The following NTRK3 variants were observed in gnomAD, a reference collection of about 807,000 sequenced individuals.
The protein encoded by NTRK3 is neurotrophic receptor tyrosine kinase 3.
A neutral mutation model predicts 91.7 loss-of-function variants in NTRK3; 24 were observed. The observed-to-expected ratio is 0.26, with a 90% confidence interval of 0.19 to 0.37. The LOEUF is 0.37. Among genes scored for constraint, NTRK3 ranks in the 10% least tolerant of loss-of-function variants. NTRK3 has a pLI of 1.00. For synonymous variants in NTRK3, 483 were observed against 404.0 expected (o/e 1.20, Z -2.34); for missense variants, 880 against 1,068.9 (o/e 0.82, Z 2.46).
At chr15:88,109,586 C>G (rs1225238597) in intron 13 of NTRK3, among the ~76,000 whole-genome samples, 2 of 152,194 alleles carry the variant, frequency 1.3e-5, no homozygotes, top group East Asian at 1.9e-4. Flanking sequence ...CGCATCCCTC[C>G]TATTCCTTTA....
chr15:88,112,375 G>T (rs1239034998), intron 13 of NTRK3, among the ~76,000 whole-genome samples: 1 of 152,312 alleles, frequency 6.6e-6, no homozygotes, highest in South Asian at 2.1e-4. Flanking sequence ...CACCCATGTT[G>T]CTACCTGGCA....
chr15:88,136,087 A>T (rs772946537), intron 8 of NTRK3, 47 bp from the exon 9 acceptor site: 1 of 1,609,896 alleles, frequency 6.2e-7, no homozygotes, highest in South Asian at 1.1e-5. Flanking sequence ...TTCTACAAGG[A>T]TGGCTCTGCT....
intron 16 of NTRK3, 112 bp downstream of exon 16, chr15:87,932,900 C>T: frequency 9.2e-7 from 1 of 1,082,132 alleles, no homozygotes; most frequent in South Asian, 1.3e-5. Context: ...TCTAATTTCT[C>T]ATCCTGAGAG....
rs547026713 is a variant in NTRK3, at chr15:88,176,564, G to A, written c.395+6854C>T. Among the ~76,000 whole-genome samples the A allele has an allele frequency of 5.3e-5, 8 of 152,286 alleles. No homozygotes were observed. The East Asian group carries it at 7.7e-4, about 15-fold the overall frequency. On this transcript the variant is annotated intron_variant, in intron 5 of 18. Transcript: ENST00000394480. ...TGATGGGAGGAATGTCACACAGAGC[G>A]TACCAAGGCCCACATTCTAGTCCTG...
At chr15:88,018,320 C>G (rs575908525) in intron 14 of NTRK3, among the ~76,000 whole-genome samples, 5 of 152,288 alleles carry the variant, frequency 3.3e-5, no homozygotes, top group African/African-American at 1.2e-4. Context: ...ATGGGTCACC[C>G]AAACTGGTAT....
Position 88,255,914 on chromosome 15 carries a change from G to A in NTRK3, c.240C>T (p.Ile80=). ...GCGGCCGCCTGACTTACATGGAAGT[G>A]ATATTCCTTGAGATGTCCGTGATGT... is the stretch of plus-strand genomic sequence containing the variant. Residue 80 remains isoleucine, a synonymous_variant, in exon 3 of 19, where the codon ATC becomes ATT. Coordinates refer to ENST00000394480, the Ensembl canonical transcript of NTRK3. The surrounding 1 kb of genome is among the most constrained non-coding windows in gnomAD (Gnocchi z 4.3). 6.2e-7 allele frequency: 1 copy of A among 1,611,862 alleles called. No individual in the cohort carries two copies.
At chr15:87,951,095 T>C (rs1020271110) in intron 14 of NTRK3, among the ~76,000 whole-genome samples, 1 of 152,140 alleles carries the variant, frequency 6.6e-6, no homozygotes, top group Non-Finnish European at 1.5e-5. Context: ...TGAGCAACCA[T>C]GTGAGCTCGT....
chr15:88,248,032 C>A (rs1001631828), intron 3 of NTRK3, among the ~76,000 whole-genome samples: 1 of 152,202 alleles, frequency 6.6e-6, no homozygotes, highest in Non-Finnish European at 1.5e-5. Context: ...AGCCACTCAG[C>A]CCTCTGCTCT....
intron 13 of NTRK3, among the ~76,000 whole-genome samples, chr15:88,063,430 C>T (rs1199332093): frequency 6.6e-6 from 1 of 152,188 alleles, no homozygotes; most frequent in Non-Finnish European, 1.5e-5. Flanking sequence ...TCTGTATGTC[C>T]CTGAACACTC....
chr15:87,955,177 G>A (rs114043947), intron 14 of NTRK3, among the ~76,000 whole-genome samples: 26 of 152,328 alleles, frequency 1.7e-4, no homozygotes, highest in African/African-American at 5.3e-4. Context: ...TCTGTTACCC[G>A]AGGCTGCTCA....
intron 14 of NTRK3, among the ~76,000 whole-genome samples, chr15:87,973,920 G>T (rs118091150): frequency 0.013 from 1,965 of 152,308 alleles, 21 homozygotes; most frequent in Middle Eastern, 0.034. Flanking sequence ...CCAGAGCACA[G>T]GAGTCAGTAA....
intron 13 of NTRK3, among the ~76,000 whole-genome samples, chr15:88,110,491 G>A (rs996091803): frequency 1.3e-5 from 2 of 152,318 alleles, no homozygotes; most frequent in East Asian, 1.9e-4. Flanking sequence ...GGGGTGGTCA[G>A]AGGAGGAGCT....
At chr15:87,946,101 G>T (rs1265419987) in intron 14 of NTRK3, 1 of 152,188 alleles carries the variant, frequency 6.6e-6, no homozygotes, top group African/African-American at 2.4e-5. Flanking sequence ...GAAAAGAAAT[G>T]TGGAGAAGGA....
At chr15:88,075,538 C>A (rs1438101627) in intron 13 of NTRK3, among the ~76,000 whole-genome samples, 1 of 152,140 alleles carries the variant, frequency 6.6e-6, no homozygotes, top group Non-Finnish European at 1.5e-5. Context: ...CCACTTCACC[C>A]TAACCATTCA....
At chr15:88,169,902 T>A (rs2045348298) in intron 5 of NTRK3, among the ~76,000 whole-genome samples, 1 of 151,962 alleles carries the variant, frequency 6.6e-6, no homozygotes, top group Non-Finnish European at 1.5e-5. Flanking sequence ...ATCCTCCCTA[T>A]CCCCAAAGAT....
chr15:88,084,179 C>G (rs16941223), intron 13 of NTRK3, among the ~76,000 whole-genome samples: 4,610 of 151,388 alleles, frequency 0.03, 231 homozygotes, highest in African/African-American at 0.1. Context: ...CTTGAGCGCT[C>G]AGGGGTTCAA....
At chr15:88,206,991 G>A (rs891809730) in intron 3 of NTRK3, among the ~76,000 whole-genome samples, 1 of 152,188 alleles carries the variant, frequency 6.6e-6, no homozygotes, top group African/African-American at 2.4e-5. Context: ...CAGCGCCCCA[G>A]GTCTACATTA....
exon 19 of NTRK3, chr15:87,870,606 G>A (rs1390553129): frequency 4.8e-6 from 1 of 209,746 alleles, no homozygotes; most frequent in East Asian, 7.1e-5. Context: ...TATAAAATAA[G>A]TCTTGAAAAA....
chr15:87,997,969 C>T (rs635333), intron 14 of NTRK3, among the ~76,000 whole-genome samples: 3 of 152,126 alleles, frequency 2.0e-5, no homozygotes, highest in South Asian at 2.1e-4. Flanking sequence ...GTACCTTCTC[C>T]GTCACAAAAA....
Sources: gnomAD v4.1 joint callset for allele counts (sites outside exome capture counted in the v4.1 genomes callset) on GRCh38, gnomAD v4.1.1 for gene constraint, Gnocchi (gnomAD v3.1) non-coding constraint, MANE v1.5 for transcripts, NCBI Gene and HGNC (gene_info 2026-07-23, HGNC 2026-07-21) for gene names.